Variants in ATP6V0D2 observed in about 807,000 individuals in gnomAD.
ATP6V0D2 encodes V-type proton ATPase subunit d 2.
In ATP6V0D2, 40 loss-of-function variants were observed where a neutral mutation model predicts 40.0. That is an observed-to-expected ratio of 1.00 (90% CI 0.78 to 1.30). The LOEUF is 1.30. Ranked by LOEUF, ATP6V0D2 falls within the 50% of genes most tolerant of loss-of-function variation. The pLI is 0.00. For missense variants in ATP6V0D2, 470 were observed against 423.1 expected (o/e 1.11, Z -0.97); for synonymous variants, 179 against 156.3 (o/e 1.15, Z -1.08).
In ATP6V0D2 at chr8:86,152,929, T is replaced by C. The variant is rs137869896; in HGVS notation, c.1005T>C (p.Ile335=). The change falls in exon 8 of 8, where the codon ATT becomes ATC. Residue 335 remains isoleucine (I), a synonymous_variant. Coordinates refer to ENST00000285393, the MANE Select transcript of ATP6V0D2 (RefSeq NM_152565.1). ...IRNIVWIAEC[I]SQRHRTKINS... ...ATATTGTGTGGATAGCAGAATGTATTTCACAGAGGCATCGAACTAAAATCA... is the reference window on the plus strand; with the variant it reads ...ATATTGTGTGGATAGCAGAATGTATCTCACAGAGGCATCGAACTAAAATCA... 2.5e-6 allele frequency: 4 copies of C among 1,611,036 alleles called. No homozygotes were observed. In the African/African-American group the frequency reaches 5.3e-5, roughly 22 times the overall value.
At chr8:86,125,964 G>A (rs990085526) in intron 2 of ATP6V0D2, among the ~76,000 whole-genome samples, 3 of 149,592 alleles carry the variant, frequency 2.0e-5, no homozygotes, top group Admixed American at 6.7e-5. Flanking sequence ...CTGAGACAGA[G>A]TCTCACTCTG....
At chr8:86,106,853 A>T (rs181691210) in intron 1 of ATP6V0D2, among the ~76,000 whole-genome samples, 146 of 152,252 alleles carry the variant, frequency 9.6e-4, no homozygotes, top group African/African-American at 3.1e-3. Context: ...TGGCAAAAAA[A>T]TGCATTTGGA....
chr8:86,117,901 C>G (rs1818611725), intron 2 of ATP6V0D2, among the ~76,000 whole-genome samples: 1 of 152,084 alleles, frequency 6.6e-6, no homozygotes, highest in African/African-American at 2.4e-5. Context: ...GGAAACGAGG[C>G]TGGAGACGCA....
intron 2 of ATP6V0D2, among the ~76,000 whole-genome samples, chr8:86,133,466 G>A (rs192079385): frequency 1.2e-4 from 18 of 151,698 alleles, no homozygotes; most frequent in African/African-American, 4.4e-4. Flanking sequence ...AGGACTACAG[G>A]CGCCCACCAC....
At chr8:86,134,632 C>CAT (rs1362099481) in intron 2 of ATP6V0D2, among the ~76,000 whole-genome samples, 1 of 152,200 alleles carries the variant, frequency 6.6e-6, no homozygotes, top group African/African-American at 2.4e-5. Context: ...AAAAACTAAA[C>CAT]ATATTCTTAC....
chr8:86,137,358 C>T (rs1388022053), intron 2 of ATP6V0D2, among the ~76,000 whole-genome samples: 1 of 152,148 alleles, frequency 6.6e-6, no homozygotes, highest in Admixed American at 6.5e-5. Flanking sequence ...CTCCTTCCCC[C>T]ATCTAGTCAT....
At chr8:86,120,033 T>G (rs1014214000) in intron 2 of ATP6V0D2, among the ~76,000 whole-genome samples, 1 of 152,146 alleles carries the variant, frequency 6.6e-6, no homozygotes, top group Non-Finnish European at 1.5e-5. Context: ...ATGTTAGGGG[T>G]AAAACTGGAT....
intron 1 of ATP6V0D2, among the ~76,000 whole-genome samples, chr8:86,102,191 A>G (rs1254089307): frequency 6.6e-6 from 1 of 152,200 alleles, no homozygotes; most frequent in African/African-American, 2.4e-5. Flanking sequence ...TTTGAAACAG[A>G]AAATAATGAC....
At position 86,133,268 on chromosome 8, in the gene ATP6V0D2, C is replaced by T. The variant is rs551157900; in HGVS notation, c.303-6189C>T. ...AAAATGCCCCCAAGGAAAGGCTGTT[C>T]TCTCTAGCCAAAGGACCAGGAAAGG... is the stretch of plus-strand genomic sequence containing the variant. On this transcript the variant is annotated intron_variant, in intron 2 of 7. Coordinates refer to ENST00000285393, the MANE Select transcript of ATP6V0D2 (RefSeq NM_152565.1). 4.3e-4 allele frequency among the ~76,000 whole-genome samples: 64 copies of T among 149,712 alleles called. No individual in the cohort carries two copies. In the South Asian group the frequency reaches 0.014, roughly 32 times the overall value.
chr8:86,101,146 CAAA>C (rs11414383), intron 1 of ATP6V0D2, among the ~76,000 whole-genome samples: 2 of 129,756 alleles, frequency 1.5e-5, no homozygotes, highest in Non-Finnish European at 1.6e-5. Flanking sequence ...AATTCTGTCT[CAAA>C]AAAAAAAAAA....
At chr8:86,137,418 C>T (rs1818912911) in intron 2 of ATP6V0D2, among the ~76,000 whole-genome samples, 1 of 152,146 alleles carries the variant, frequency 6.6e-6, no homozygotes, top group African/African-American at 2.4e-5. Flanking sequence ...CCCCAGAGTT[C>T]CCAAGAAAGA....
rs1164064487 is a variant in ATP6V0D2 at position 86,153,160 on chromosome 8, A to G, written c.*183A>G. Reference sequence around the variant, plus strand: ...TGAAACAAAGCATTTCCTTGTTTTCAGTGGTATTAGATCTTGTTTCCACAT... The same window carrying G: ...TGAAACAAAGCATTTCCTTGTTTTCGGTGGTATTAGATCTTGTTTCCACAT... On this transcript the variant is annotated 3_prime_UTR_variant, in exon 8 of 8. Transcript: ENST00000285393. 4 of 452,480 alleles carry G rather than the reference A, an allele frequency of 8.8e-6. No homozygotes were observed. The highest frequency in any genetic ancestry group is 1.5e-5 in the Non-Finnish European group (4 of 266,718). The allele number at this position is 452,480 out of a possible 1,614,324, so 28.0% of individuals were successfully genotyped here.
rs1818944502 is a variant in ATP6V0D2 at position 86,139,489 on chromosome 8, T to C, written c.335T>C (p.Leu112Pro). The C allele has an allele frequency of 6.2e-7, 1 of 1,612,880 alleles. No homozygotes were observed. Among genetic ancestry groups the C allele is most frequent in the Non-Finnish European group, 8.5e-7 (1 of 1,179,576 alleles). The change falls in exon 3 of 8, where the codon CTG becomes CCG. Residue 112 changes from leucine to proline, a missense_variant. Coordinates refer to ENST00000285393, the MANE Select transcript of ATP6V0D2 (RefSeq NM_152565.1). Reference sequence around the variant, plus strand: ...TATATGATAGACAATGTGATTCTGCTGATGAATGGTGCATTGCAGAAAAAA... The same window carrying C: ...TATATGATAGACAATGTGATTCTGCCGATGAATGGTGCATTGCAGAAAAAA... ...CSYMIDNVIL[L>P]MNGALQKKSV...
At chr8:86,127,961 A>G (rs1304726571) in intron 2 of ATP6V0D2, among the ~76,000 whole-genome samples, 1 of 152,176 alleles carries the variant, frequency 6.6e-6, no homozygotes, top group Non-Finnish European at 1.5e-5. Flanking sequence ...TCATGCCTGT[A>G]ATCTCAGCAC....
At chr8:86,145,233 AAGAGAGAGAGAGAGAGAGAGAGAGAAAG>A (rs1819038801) in intron 5 of ATP6V0D2, among the ~76,000 whole-genome samples, 1 of 38,442 alleles carries the variant, frequency 2.6e-5, no homozygotes, top group African/African-American at 1.5e-4. Context: ...GAAAGAAAGA[AAGAGAGAGAGAGAGAGAGAGAGAGAAAG>A]AAAGAAAGAA....
rs549611957 is a variant in ATP6V0D2 at position 86,150,230 on chromosome 8, G to T, written c.758G>T (p.Arg253Leu). 1 of 1,613,112 alleles carries T rather than the reference G, an allele frequency of 6.2e-7. No homozygotes were observed. The highest frequency in any genetic ancestry group is 8.5e-7 in the Non-Finnish European group (1 of 1,179,816). ...GGCAAACTCTATCCTGAGGGGTTGC[G>T]GCTGTTGGCTCAAGCAGAAGACTTT... ...TFGKLYPEGLRLLAQAEDFDQ... is the reference protein window; with the variant it reads ...TFGKLYPEGLLLLAQAEDFDQ... The change falls in exon 6 of 8, where the codon CGG (arginine) becomes CTG (leucine). Residue 253 changes from arginine to leucine, a missense_variant. Physicochemically the swap from Arg to Leu is moderately radical, Grantham distance 102. Transcript: ENST00000285393.
chr8:86,138,836 C>A (rs112720433), intron 2 of ATP6V0D2, among the ~76,000 whole-genome samples: 3 of 152,332 alleles, frequency 2.0e-5, no homozygotes, highest in East Asian at 1.9e-4. Flanking sequence ...CCTCACCCCC[C>A]ACCATCACAT....
chr8:86,134,738 T>C (rs1489588529), intron 2 of ATP6V0D2, among the ~76,000 whole-genome samples: 1 of 152,192 alleles, frequency 6.6e-6, no homozygotes, highest in Non-Finnish European at 1.5e-5. Flanking sequence ...TTAGCAGTTG[T>C]TATTCATAAT....
chr8:86,121,506 G>T (rs1818669061), intron 2 of ATP6V0D2, among the ~76,000 whole-genome samples: 1 of 152,042 alleles, frequency 6.6e-6, no homozygotes, highest in African/African-American at 2.4e-5. Context: ...GGAAGTGGAG[G>T]TTGCAGTGAG....
Sources: allele counts gnomAD v4.1 joint callset (sites outside exome capture counted in the v4.1 genomes callset), GRCh38; gene constraint gnomAD v4.1.1; transcripts MANE v1.5; gene names NCBI Gene and HGNC (gene_info 2026-07-23, HGNC 2026-07-21).